Variants in RASAL2 observed in about 807,000 individuals in gnomAD.
RASAL2 encodes ras GTPase-activating protein nGAP.
Under a neutral mutation model 128.9 loss-of-function variants are expected in RASAL2, and 58 were observed. The ratio of observed to expected loss-of-function variants is 0.45; its 90% CI spans 0.36 to 0.56. The LOEUF is 0.56. Among genes scored for constraint, RASAL2 ranks in the 20% least tolerant of loss-of-function variants. The pLI is 0.00. For synonymous variants in RASAL2, 561 were observed against 580.8 expected (o/e 0.97, Z 0.49); for missense variants, 1,360 against 1,601.6 (o/e 0.85, Z 2.57).
chr1:178,459,930 A>G (rs552603851), intron 14 of RASAL2, among the ~76,000 whole-genome samples: 5 of 152,314 alleles, frequency 3.3e-5, no homozygotes, highest in Non-Finnish European at 5.9e-5. Flanking sequence ...TATTTTTTAT[A>G]TATAAATGTG....
chr1:178,439,998 C>T (rs1828359), intron 6 of RASAL2, among the ~76,000 whole-genome samples: 38 of 150,880 alleles, frequency 2.5e-4, no homozygotes, highest in South Asian at 1.1e-3. Context: ...TCCATCCATC[C>T]ATCCATCCAT....
At chr1:178,175,472 G>GTGTGTGA (rs60858080) in intron 1 of RASAL2, among the ~76,000 whole-genome samples, 1 of 150,944 alleles carries the variant, frequency 6.6e-6, no homozygotes, top group African/African-American at 2.4e-5. Context: ...GTGTGTGTGT[G>GTGTGTGA]ATAACTATGC....
intron 1 of RASAL2, among the ~76,000 whole-genome samples, chr1:178,195,413 T>C (rs1558107760): frequency 6.6e-6 from 1 of 152,202 alleles, no homozygotes; most frequent in African/African-American, 2.4e-5. Context: ...ACTAGGCTTG[T>C]GTTTGAATTG....
chr1:178,118,634 G>T (rs967626971), intron 1 of RASAL2, among the ~76,000 whole-genome samples: 2 of 152,168 alleles, frequency 1.3e-5, no homozygotes, highest in South Asian at 2.1e-4. Flanking sequence ...AGGTGATCAC[G>T]CACCAGCTGG....
chr1:178,245,772 T>C (rs1383730871), intron 1 of RASAL2, among the ~76,000 whole-genome samples: 2 of 152,334 alleles, frequency 1.3e-5, no homozygotes, highest in East Asian at 3.9e-4. Context: ...GTCCAGTTTC[T>C]GTTTTCTGCA....
intron 1 of RASAL2, among the ~76,000 whole-genome samples, chr1:178,279,507 C>G (rs956049345): frequency 2.6e-5 from 4 of 152,046 alleles, no homozygotes; most frequent in Non-Finnish European, 4.4e-5. Context: ...ACTAGTATTG[C>G]CATATTTTCT....
intron 3 of RASAL2, among the ~76,000 whole-genome samples, chr1:178,360,133 A>C (rs1383480246): frequency 3.3e-5 from 5 of 152,132 alleles, no homozygotes; most frequent in Non-Finnish European, 7.3e-5. Flanking sequence ...TACTTGATTA[A>C]AATTTTATCT....
intron 1 of RASAL2, among the ~76,000 whole-genome samples, chr1:178,175,497 T>C (rs1661855052): frequency 6.6e-6 from 1 of 150,988 alleles, no homozygotes; most frequent in South Asian, 2.1e-4. Flanking sequence ...TTTTCACCAA[T>C]TAAACGTACT....
At chr1:178,270,957 A>G (rs891582696) in intron 1 of RASAL2, among the ~76,000 whole-genome samples, 2 of 152,174 alleles carry the variant, frequency 1.3e-5, no homozygotes, top group Non-Finnish European at 1.5e-5. Context: ...GGGGAAGCTC[A>G]TGTCTTAACA....
In RASAL2 at chr1:178,302,865, C is replaced by A. The variant is rs564283765; in HGVS notation, c.457+2747C>A. Among the ~76,000 whole-genome samples, 9 of 151,912 alleles carry A rather than the reference C, an allele frequency of 5.9e-5. No homozygotes were observed. In the East Asian group the frequency reaches 1.7e-3, roughly 29 times the overall value. On this transcript the variant is annotated intron_variant, in intron 3 of 17. Coordinates refer to ENST00000367649, the MANE Select transcript of RASAL2 (RefSeq NM_170692.4). ...GACCAGCCTGGTCAATATGGTGAAA[C>A]CCTGTCTCGAGTGTGGTGGCATGTG...
At chr1:178,342,355 G>A (rs1015267547) in intron 3 of RASAL2, among the ~76,000 whole-genome samples, 2 of 152,124 alleles carry the variant, frequency 1.3e-5, no homozygotes, top group African/African-American at 2.4e-5. Context: ...TCAGTTTAAC[G>A]TGTTTTTCAT....
intron 1 of RASAL2, among the ~76,000 whole-genome samples, chr1:178,143,819 A>C (rs892142551): frequency 6.6e-6 from 1 of 151,800 alleles, no homozygotes; most frequent in African/African-American, 2.4e-5. Flanking sequence ...ATAAATTTTC[A>C]AAAGAGAAAG....
intron 8 of RASAL2, 106 bp downstream of exon 8, chr1:178,443,335 T>G: frequency 9.4e-7 from 1 of 1,059,512 alleles, no homozygotes; most frequent in Non-Finnish European, 1.3e-6. Flanking sequence ...TGCTTTACTA[T>G]TGGTCAAAAC....
At chr1:178,248,123 T>C (rs1190631315) in intron 1 of RASAL2, among the ~76,000 whole-genome samples, 1 of 152,218 alleles carries the variant, frequency 6.6e-6, no homozygotes, top group African/African-American at 2.4e-5. Context: ...CTGAATATCC[T>C]TGTTAATTTT....
At chr1:178,110,707 C>T (rs1659288020) in intron 1 of RASAL2, among the ~76,000 whole-genome samples, 1 of 148,848 alleles carries the variant, frequency 6.7e-6, no homozygotes. Context: ...CATGCCTCAG[C>T]CTCCTGAGTA....
At chr1:178,377,436 G>A (rs928441647) in intron 3 of RASAL2, among the ~76,000 whole-genome samples, 1 of 151,950 alleles carries the variant, frequency 6.6e-6, no homozygotes, top group Non-Finnish European at 1.5e-5. Flanking sequence ...AACAAAACTC[G>A]AAATCTAGAC....
At chr1:178,290,246 T>C (rs539153870) in intron 2 of RASAL2, among the ~76,000 whole-genome samples, 1 of 152,366 alleles carries the variant, frequency 6.6e-6, no homozygotes, top group South Asian at 2.1e-4. Flanking sequence ...TAAATATTTG[T>C]TGAATGAATG....
intron 3 of RASAL2, among the ~76,000 whole-genome samples, chr1:178,388,864 A>G (rs192321309): frequency 2.4e-4 from 37 of 152,356 alleles, no homozygotes; most frequent in African/African-American, 8.4e-4. Flanking sequence ...GTGGTTGGGC[A>G]TCTGTTAATA....
intron 7 of RASAL2, among the ~76,000 whole-genome samples, chr1:178,442,137 G>C (rs1432598820): frequency 1.3e-5 from 2 of 152,060 alleles, no homozygotes; most frequent in Non-Finnish European, 2.9e-5. Context: ...CCTCCCACCA[G>C]GCCCCACCTC....
Sources: allele counts gnomAD v4.1 joint callset (sites outside exome capture counted in the v4.1 genomes callset), GRCh38; gene constraint gnomAD v4.1.1; transcripts MANE v1.5; gene names NCBI Gene and HGNC (gene_info 2026-07-23, HGNC 2026-07-21).